The following SETD2 variants were observed in gnomAD, a reference collection of about 807,000 sequenced individuals.
SETD2 encodes the protein histone-lysine N-methyltransferase SETD2.
A neutral mutation model predicts 242.1 loss-of-function variants in SETD2; 31 were observed. The observed-to-expected ratio is 0.13, with a 90% CI of 0.10 to 0.17. SETD2 has a LOEUF of 0.17. Ranked by LOEUF, SETD2 falls within the 10% of genes least tolerant of loss-of-function variation. The probability of loss-of-function intolerance (pLI) is 1.00; values close to 1 mark genes in which losing one functional copy is unlikely to be tolerated. For synonymous variants in SETD2, 1,006 were observed against 1,066.5 expected (o/e 0.94, Z 1.11); for missense variants, 2,481 against 3,046.3 (o/e 0.81, Z 4.37).
chr3:47,023,260 C>T (rs1375058695), intron 18 of SETD2, among the ~76,000 whole-genome samples: 6 of 152,028 alleles, frequency 3.9e-5, no homozygotes, highest in South Asian at 2.1e-4. Flanking sequence ...ATTAGTCAGG[C>T]GCGGCGGCGT....
At chr3:47,070,183 G>A (rs1403212457) in intron 12 of SETD2, among the ~76,000 whole-genome samples, 1 of 152,140 alleles carries the variant, frequency 6.6e-6, no homozygotes, top group African/African-American at 2.4e-5. Context: ...CACCAGAAAC[G>A]CTTCTCAAAG....
intron 18 of SETD2, among the ~76,000 whole-genome samples, chr3:47,034,194 A>G (rs1203224847): frequency 6.6e-6 from 1 of 152,254 alleles, no homozygotes; most frequent in African/African-American, 2.4e-5. Flanking sequence ...AGAAAAGAAT[A>G]AAAGTGCCTC....
At chr3:47,019,206 A>G (rs532045494) in intron 19 of SETD2, among the ~76,000 whole-genome samples, 1 of 152,356 alleles carries the variant, frequency 6.6e-6, no homozygotes, top group South Asian at 2.1e-4. Flanking sequence ...ATGAGATATT[A>G]CAGAAAGAGA....
chr3:47,084,030 A>C lies in SETD2; in HGVS notation c.5750T>G (p.Val1917Gly), dbSNP rs774649665. The change falls in exon 12 of 21, where the codon GTA becomes GGA. Residue 1917 changes from valine (V) to glycine (G), a missense_variant. Val to Gly is a moderately radical substitution (Grantham distance 109). This residue lies in a region of SETD2 where 203 missense variants were observed against 222.4 expected (regional missense o/e 0.91). Transcript: ENST00000409792. ...EDLDQLENVP[V>G]EEEEELQSQQ... ...TGACTGCAATTCTTCCTCTTCCTCT[A>C]CAGGGACATTTTCTAATTGATCAAG... The C allele has an allele frequency of 5.0e-6, 8 of 1,613,988 alleles. No homozygotes were observed. Among genetic ancestry groups the C allele is most frequent in the Admixed American group, 1.7e-5 (1 of 59,998 alleles).
chr3:47,114,693 A>G (rs1312072760), intron 4 of SETD2, among the ~76,000 whole-genome samples: 4 of 152,096 alleles, frequency 2.6e-5, no homozygotes, highest in Non-Finnish European at 5.9e-5. Context: ...ACCCTCGCCA[A>G]CATAGTGAAA....
At chr3:47,046,463 T>A in intron 16 of SETD2, 24 bp downstream of exon 16, 2 of 1,571,772 alleles carry the variant, frequency 1.3e-6, no homozygotes, top group South Asian at 2.4e-5. Flanking sequence ...GCCAATGAGT[T>A]TTAACAACTG....
At chr3:47,038,313 G>A (rs34448438) in intron 17 of SETD2, among the ~76,000 whole-genome samples, 42 of 152,218 alleles carry the variant, frequency 2.8e-4, no homozygotes, top group Admixed American at 5.9e-4. Flanking sequence ...ATACGTACAG[G>A]TTAAAAACTT....
In SETD2 at chr3:47,042,646, T is replaced by C; in HGVS notation, c.7153A>G (p.Lys2385Glu). The change falls in exon 17 of 21, where the codon AAA becomes GAA. Residue 2385 changes from lysine to glutamate, a missense_variant. This residue lies in a region of SETD2 where 235 missense variants were observed against 293.9 expected (regional missense o/e 0.80). Transcript: ENST00000409792. ...GGAGGTAAGACAATGGTTTTTGGTT[T>C]GGGAGGAGAGGGGGGCGGCAGATCC... ...LLDLPPPSPP[K>E]PKTIVLPPNW... 4 of 1,613,266 alleles carry C rather than the reference T, an allele frequency of 2.5e-6. No homozygotes were observed. Among genetic ancestry groups the C allele is most frequent in the Non-Finnish European group, 3.4e-6 (4 of 1,179,752 alleles).
chr3:47,022,193 T>TCACACACACACACACACACA (rs55972218), intron 18 of SETD2, among the ~76,000 whole-genome samples: 1 of 130,948 alleles, frequency 7.6e-6, no homozygotes, highest in Non-Finnish European at 1.6e-5. Flanking sequence ...CAACAATCTG[T>TCACACACACACACACACACA]CACACACACA....
At chr3:47,067,012 G>C (rs2040584946) in intron 13 of SETD2, 58 bp downstream of exon 13, 1 of 1,302,374 alleles carries the variant, frequency 7.7e-7, no homozygotes, top group East Asian at 2.3e-5. Context: ...AGTTACCTCT[G>C]CACATAACAA....
intron 17 of SETD2, among the ~76,000 whole-genome samples, chr3:47,041,978 G>A (rs2039301341): frequency 1.3e-5 from 2 of 152,154 alleles, no homozygotes; most frequent in South Asian, 4.1e-4. Context: ...GAAAAGATCT[G>A]TCTATGACCC....
At chr3:47,077,115 C>T (rs1401879490) in intron 12 of SETD2, among the ~76,000 whole-genome samples, 1 of 152,194 alleles carries the variant, frequency 6.6e-6, no homozygotes, top group African/African-American at 2.4e-5. Context: ...GACAGAATCT[C>T]GCTGTGTCAC....
rs1285909011 is a variant in SETD2, at chr3:47,123,495, A to C, written c.1141T>G (p.Ser381Ala). 3 of 1,551,150 alleles carry C rather than the reference A, an allele frequency of 1.9e-6. No homozygotes were observed. In the East Asian group the frequency reaches 7.3e-5, roughly 38 times the overall value. ...TACCGAGTATCTCTTTCAAGTTTTG[A>C]ATAGCTAAAATATTTATCATCTCTG... ...TDRDDKYFSY[S>A]KLERDTRYVS... The change falls in exon 3 of 21, where the codon TCA (serine) becomes GCA (alanine). Residue 381 changes from serine to alanine, a missense_variant. Ser to Ala is a moderately conservative substitution (Grantham distance 99). Transcript: ENST00000409792.
At chr3:47,083,630 T>A in intron 12 of SETD2, 90 bp downstream of exon 12, 1 of 1,205,596 alleles carries the variant, frequency 8.3e-7, no homozygotes, top group Non-Finnish European at 1.2e-6. Flanking sequence ...GAAATATGCA[T>A]GGCTAAAAAA....
chr3:47,099,724 C>A (rs2042136380), intron 8 of SETD2, among the ~76,000 whole-genome samples: 1 of 152,148 alleles, frequency 6.6e-6, no homozygotes, highest in Non-Finnish European at 1.5e-5. Context: ...ATCCTCCCAC[C>A]TCACCCTCCT....
chr3:47,107,621 A>G (rs111245061), intron 5 of SETD2, among the ~76,000 whole-genome samples: 1,536 of 151,674 alleles, frequency 0.01, 15 homozygotes, highest in Non-Finnish European at 0.014. Flanking sequence ...CTTGCAAATA[A>G]TTTAAAATGA....
At chr3:47,097,029 T>C (rs1255530616) in intron 9 of SETD2, among the ~76,000 whole-genome samples, 1 of 152,210 alleles carries the variant, frequency 6.6e-6, no homozygotes, top group Non-Finnish European at 1.5e-5. Flanking sequence ...CTTTTAACCA[T>C]TATACTCTCA....
intron 12 of SETD2, chr3:47,081,203 T>C (rs1233064213): frequency 2.1e-6 from 1 of 465,744 alleles, no homozygotes; most frequent in African/African-American, 2.1e-5. Flanking sequence ...ATGATTCCTA[T>C]AGTCTGCCAT....
At chr3:47,124,601 A>C (rs2043252138) in intron 2 of SETD2, 53 bp from the exon 3 acceptor site, 2 of 1,426,110 alleles carry the variant, frequency 1.4e-6, no homozygotes, top group Admixed American at 2.4e-5. Context: ...TTACTTTCAA[A>C]TGGACTGCAC....
Sources: gnomAD v4.1 joint callset for allele counts (sites outside exome capture counted in the v4.1 genomes callset) on GRCh38, gnomAD v4.1.1 for gene constraint, gnomAD v4.1.1 regional missense constraint, MANE v1.5 for transcripts, NCBI Gene and HGNC (gene_info 2026-07-23, HGNC 2026-07-21) for gene names.